LRRTM4: variants seen among roughly 807,000 people sequenced by gnomAD.
The protein encoded by LRRTM4 is leucine-rich repeat transmembrane neuronal protein 4.
Under a neutral mutation model 47.6 loss-of-function variants are expected in LRRTM4, and 25 were observed. The ratio of observed to expected loss-of-function variants is 0.53; its 90% CI spans 0.38 to 0.73. LRRTM4 has a LOEUF of 0.73. Among genes scored for constraint, LRRTM4 ranks in the 30% least tolerant of loss-of-function variants. LRRTM4 has a pLI of 0.00. For missense variants in LRRTM4, 638 were observed against 713.4 expected (o/e 0.89, Z 1.20); for synonymous variants, 311 against 269.5 (o/e 1.15, Z -1.51).
intron 3 of LRRTM4, among the ~76,000 whole-genome samples, chr2:77,300,447 A>G (rs930763646): frequency 9.9e-5 from 15 of 152,202 alleles, no homozygotes; most frequent in Non-Finnish European, 2.2e-4. Context: ...GAGTTCTACC[A>G]AAGACTAGAT....
At chr2:77,033,919 T>A (rs1374076226) in intron 3 of LRRTM4, among the ~76,000 whole-genome samples, 1 of 151,906 alleles carries the variant, frequency 6.6e-6, no homozygotes, top group Non-Finnish European at 1.5e-5. Context: ...TGTTCCTTAC[T>A]TTGCGAGCTG....
chr2:76,802,774 T>A (rs1251624475), intron 3 of LRRTM4, among the ~76,000 whole-genome samples: 1 of 152,044 alleles, frequency 6.6e-6, no homozygotes, highest in Admixed American at 6.6e-5. Context: ...ACACATAGGA[T>A]AGAGAACTCA....
At chr2:76,938,617 T>A (rs1354188749) in intron 3 of LRRTM4, among the ~76,000 whole-genome samples, 1 of 152,106 alleles carries the variant, frequency 6.6e-6, no homozygotes. Flanking sequence ...TTCAAGTAAT[T>A]TTCTTTTCAT....
At chr2:77,159,567 T>C (rs1489515145) in intron 3 of LRRTM4, among the ~76,000 whole-genome samples, 1 of 146,550 alleles carries the variant, frequency 6.8e-6, no homozygotes, top group Non-Finnish European at 1.5e-5. Flanking sequence ...AGGAAGAGAA[T>C]ATATATTTAC....
intron 3 of LRRTM4, among the ~76,000 whole-genome samples, chr2:77,395,810 C>A (rs181375683): frequency 1.3e-4 from 20 of 151,902 alleles, no homozygotes; most frequent in Middle Eastern, 3.2e-3. Context: ...ATTTAAAACA[C>A]TCAGAATATT....
At chr2:77,409,145 T>C (rs920096075) in intron 3 of LRRTM4, among the ~76,000 whole-genome samples, 5 of 152,184 alleles carry the variant, frequency 3.3e-5, no homozygotes, top group Admixed American at 3.3e-4. Flanking sequence ...TCCACAGGAT[T>C]AATATTATAA....
Position 76,935,007 on chromosome 2 carries a change from A to T in LRRTM4, c.1552-186091T>A, listed in dbSNP as rs376515043. 1.4e-4 allele frequency among the ~76,000 whole-genome samples: 22 copies of T among 152,292 alleles called. No homozygotes were observed. The South Asian group carries it at 4.6e-3, about 32-fold the overall frequency. On this transcript the variant is annotated intron_variant, in intron 3 of 3. Coordinates refer to ENST00000409884, the MANE Select transcript of LRRTM4 (RefSeq NM_001134745.3). The stretch of plus-strand genomic sequence containing the variant: ...TGACTTAGATAGGAATTTTAATTAA[A>T]TATGCTGATTATCGAACTTTCTGAG...
chr2:77,106,518 T>C (rs1355603943), intron 3 of LRRTM4, among the ~76,000 whole-genome samples: 1 of 151,934 alleles, frequency 6.6e-6, no homozygotes. Context: ...GGGATAGAAA[T>C]ACTGGAATTA....
chr2:77,515,357 A>C (rs1679167611), intron 3 of LRRTM4, among the ~76,000 whole-genome samples: 1 of 151,888 alleles, frequency 6.6e-6, no homozygotes, highest in South Asian at 2.1e-4. Context: ...ATTTGTGTGG[A>C]GGCTCACAAA....
At chr2:77,105,587 C>T (rs986672383) in intron 3 of LRRTM4, among the ~76,000 whole-genome samples, 21 of 151,750 alleles carry the variant, frequency 1.4e-4, no homozygotes, top group Non-Finnish European at 1.2e-4. Context: ...TGCAGCACAC[C>T]AACATGGCAC....
At chr2:76,955,573 T>C (rs187673121) in intron 3 of LRRTM4, among the ~76,000 whole-genome samples, 4 of 151,762 alleles carry the variant, frequency 2.6e-5, no homozygotes, top group Non-Finnish European at 5.9e-5. Context: ...ATATGAACTG[T>C]TTATGTTCTT....
intron 3 of LRRTM4, among the ~76,000 whole-genome samples, chr2:77,003,580 C>T (rs1034109187): frequency 6.6e-6 from 1 of 152,120 alleles, no homozygotes; most frequent in Non-Finnish European, 1.5e-5. Context: ...CATTTGCCTT[C>T]TACCATGATT....
intron 3 of LRRTM4, among the ~76,000 whole-genome samples, chr2:76,889,015 G>A (rs912047389): frequency 6.6e-6 from 1 of 151,760 alleles, no homozygotes; most frequent in South Asian, 2.1e-4. Context: ...ACATCTCATG[G>A]CAATATTTTC....
At chr2:77,500,789 T>C (rs962239404) in intron 3 of LRRTM4, among the ~76,000 whole-genome samples, 1 of 151,672 alleles carries the variant, frequency 6.6e-6, no homozygotes, top group Non-Finnish European at 1.5e-5. Context: ...TTCATCTCAA[T>C]ATCCTAAACA....
At chr2:77,280,513 A>C (rs900794860) in intron 3 of LRRTM4, among the ~76,000 whole-genome samples, 1 of 152,106 alleles carries the variant, frequency 6.6e-6, no homozygotes, top group Non-Finnish European at 1.5e-5. Context: ...CACAATTTTC[A>C]TTGCTATAAT....
chr2:77,287,071 C>A (rs889256126), intron 3 of LRRTM4, among the ~76,000 whole-genome samples: 2 of 151,960 alleles, frequency 1.3e-5, no homozygotes, highest in African/African-American at 4.8e-5. Flanking sequence ...ATGATACGTT[C>A]GAGGCCACAG....
At chr2:77,263,398 G>T (rs979034192) in intron 3 of LRRTM4, among the ~76,000 whole-genome samples, 14 of 152,124 alleles carry the variant, frequency 9.2e-5, no homozygotes, top group Non-Finnish European at 2.1e-4. Context: ...ACCTCTGATT[G>T]GTAACCAAGT....
In LRRTM4 at chr2:77,077,979, C is replaced by CGG. The variant is rs1204825736; in HGVS notation, c.1552-329064_1552-329063insCC. 4.6e-5 allele frequency among the ~76,000 whole-genome samples: 7 copies of CGG among 152,158 alleles called. No homozygotes were observed. The East Asian group carries it at 1.4e-3, about 29-fold the overall frequency. ...ACAAAGAAGTAATTTGTGTTCCCTT[C>CGG]TGTTTTCATCAGGTGTTTGAATCCC... On this transcript the variant is annotated intron_variant, in intron 3 of 3. Transcript: ENST00000409884.
At chr2:76,952,183 T>C (rs1033373124) in intron 3 of LRRTM4, among the ~76,000 whole-genome samples, 29 of 152,132 alleles carry the variant, frequency 1.9e-4, no homozygotes, top group African/African-American at 6.5e-4. Flanking sequence ...TAGGATCATA[T>C]TGACAGGGAA....
Sources: allele counts gnomAD v4.1 joint callset (sites outside exome capture counted in the v4.1 genomes callset), GRCh38; gene constraint gnomAD v4.1.1; transcripts MANE v1.5; gene names NCBI Gene and HGNC (gene_info 2026-07-23, HGNC 2026-07-21).